CDH12: variants seen among roughly 807,000 people sequenced by gnomAD.
CDH12 encodes cadherin-12.
CDH12 carries 41 observed loss-of-function variants against 74.1 expected under a neutral mutation model. The observed-to-expected ratio is 0.55, with a 90% CI of 0.43 to 0.72. CDH12 has a LOEUF of 0.72. Ranked by LOEUF, CDH12 falls within the 30% of genes least tolerant of loss-of-function variation. The pLI is 0.00. For missense variants in CDH12, 945 were observed against 977.2 expected (o/e 0.97, Z 0.44); for synonymous variants, 399 against 355.0 (o/e 1.12, Z -1.39).
intron 1 of CDH12, among the ~76,000 whole-genome samples, chr5:22,610,894 T>C (rs914279823): frequency 7.2e-5 from 11 of 152,082 alleles, no homozygotes; most frequent in Admixed American, 6.6e-5. Flanking sequence ...CAATTCTACA[T>C]GATATACTCT....
At chr5:22,822,157 G>A (rs541673558) in intron 1 of CDH12, among the ~76,000 whole-genome samples, 41 of 151,632 alleles carry the variant, frequency 2.7e-4, no homozygotes, top group East Asian at 1.5e-3. Flanking sequence ...AATAAATGGT[G>A]CTGGGAAAAC....
At chr5:22,705,522 C>T (rs1180135486) in intron 1 of CDH12, among the ~76,000 whole-genome samples, 1 of 151,662 alleles carries the variant, frequency 6.6e-6, no homozygotes, top group Non-Finnish European at 1.5e-5. Context: ...CACACACACA[C>T]ACACACAAAC....
intron 14 of CDH12, 34 bp from the exon 15 acceptor site, chr5:21,752,270 G>T: frequency 6.5e-7 from 1 of 1,547,896 alleles, no homozygotes; most frequent in Non-Finnish European, 8.7e-7. Flanking sequence ...TTTGAGAATA[G>T]AAAGCAGATA....
intron 3 of CDH12, among the ~76,000 whole-genome samples, chr5:22,394,168 A>G (rs1248034781): frequency 6.6e-6 from 1 of 152,132 alleles, no homozygotes; most frequent in Non-Finnish European, 1.5e-5. Context: ...CTTCTGCCAA[A>G]GGATTACAAA....
At chr5:22,219,329 C>T (rs151105706) in intron 3 of CDH12, among the ~76,000 whole-genome samples, 124 of 151,686 alleles carry the variant, frequency 8.2e-4, no homozygotes, top group Middle Eastern at 3.4e-3. Context: ...TTATTATTTA[C>T]TTATTTACGA....
In CDH12 at chr5:21,844,604, G is replaced by A. The variant is rs796164996; in HGVS notation, c.647-2276C>T. On this transcript the variant is annotated intron_variant, in intron 7 of 14. Coordinates refer to ENST00000382254, the MANE Select transcript of CDH12 (RefSeq NM_004061.5). ...AGAGCAGGAGGGCAGGGCTGTGAGTGTGATGGAAAAGGTCTTGACAATTTT... is the reference window on the plus strand; with the variant it reads ...AGAGCAGGAGGGCAGGGCTGTGAGTATGATGGAAAAGGTCTTGACAATTTT... Among the ~76,000 whole-genome samples, 29 of 152,268 alleles carry A rather than the reference G, an allele frequency of 1.9e-4. 1 individual carries two copies. The highest frequency in any genetic ancestry group is 6.5e-4 in the African/African-American group (27 of 41,572).
intron 6 of CDH12, chr5:21,889,594 C>G (rs1377767633): frequency 1.0e-6 from 1 of 985,226 alleles, no homozygotes; most frequent in Non-Finnish European, 1.2e-6. Flanking sequence ...CCTAAAGAAG[C>G]CTCTTTCCAG....
At chr5:22,535,317 G>C (rs1457130917) in intron 1 of CDH12, among the ~76,000 whole-genome samples, 1 of 151,728 alleles carries the variant, frequency 6.6e-6, no homozygotes, top group Non-Finnish European at 1.5e-5. Context: ...ACCACGCCCG[G>C]CTAATTTTTT....
At chr5:22,521,619 T>C (rs1381310488) in intron 1 of CDH12, among the ~76,000 whole-genome samples, 6 of 152,172 alleles carry the variant, frequency 3.9e-5, no homozygotes, top group African/African-American at 9.6e-5. Context: ...GTAATGTTTG[T>C]TTATTAGCTA....
chr5:22,263,076 T>TC (rs1561265230), intron 3 of CDH12, among the ~76,000 whole-genome samples: 3 of 152,012 alleles, frequency 2.0e-5, no homozygotes, highest in Non-Finnish European at 4.4e-5. Context: ...AGCCAAAAAA[T>TC]ACATGAAAAA....
intron 3 of CDH12, among the ~76,000 whole-genome samples, chr5:22,276,535 A>G (rs1355978457): frequency 6.6e-6 from 1 of 152,206 alleles, no homozygotes; most frequent in Non-Finnish European, 1.5e-5. Flanking sequence ...GAAATGTACC[A>G]TGTATGTGAT....
intron 3 of CDH12, among the ~76,000 whole-genome samples, chr5:22,305,067 CAG>C (rs1453914201): frequency 2.6e-5 from 4 of 151,724 alleles, no homozygotes; most frequent in African/African-American, 7.3e-5. Context: ...AGTTTTTAAA[CAG>C]AATAATTTTT....
intron 3 of CDH12, among the ~76,000 whole-genome samples, chr5:22,371,456 T>C (rs1741286759): frequency 6.6e-6 from 1 of 152,158 alleles, no homozygotes; most frequent in Non-Finnish European, 1.5e-5. Context: ...AATAAGGCCA[T>C]CTTACTTCTC....
chr5:22,174,011 G>A (rs758306240), intron 4 of CDH12, among the ~76,000 whole-genome samples: 1 of 151,870 alleles, frequency 6.6e-6, no homozygotes, highest in Non-Finnish European at 1.5e-5. Context: ...AACACATTAG[G>A]TGAATATAAA....
intron 1 of CDH12, among the ~76,000 whole-genome samples, chr5:22,843,395 T>G (rs889401931): frequency 1.3e-5 from 2 of 152,072 alleles, no homozygotes; most frequent in African/African-American, 4.8e-5. Flanking sequence ...TTCACTATTC[T>G]TTACCTCCCC....
chr5:21,938,189 C>T (rs1263479962), intron 6 of CDH12, among the ~76,000 whole-genome samples: 1 of 151,924 alleles, frequency 6.6e-6, no homozygotes, highest in Non-Finnish European at 1.5e-5. Context: ...ACACCTGGCT[C>T]TCTCTCCAGA....
intron 1 of CDH12, among the ~76,000 whole-genome samples, 182 bp downstream of exon 1, chr5:22,852,874 CCG>C (rs1395053604): frequency 6.6e-6 from 1 of 152,124 alleles, no homozygotes; most frequent in Non-Finnish European, 1.5e-5. Context: ...TTAGAACTTA[CCG>C]AAGTTTCCCA....
intron 4 of CDH12, among the ~76,000 whole-genome samples, chr5:22,175,939 A>G (rs567653581): frequency 6.6e-6 from 1 of 152,212 alleles, no homozygotes; most frequent in South Asian, 2.1e-4. Context: ...CTAGATGTTT[A>G]TTTTCTTCCT....
chr5:22,684,215 G>T (rs1741643980), intron 1 of CDH12, among the ~76,000 whole-genome samples: 1 of 152,052 alleles, frequency 6.6e-6, no homozygotes, highest in Non-Finnish European at 1.5e-5. Flanking sequence ...TGGGACACAC[G>T]AGACATTTTG....
Sources: allele counts gnomAD v4.1 joint callset (sites outside exome capture counted in the v4.1 genomes callset), GRCh38; gene constraint gnomAD v4.1.1; transcripts MANE v1.5; gene names NCBI Gene and HGNC (gene_info 2026-07-23, HGNC 2026-07-21).